Variants in CAMK2B observed in about 807,000 individuals in gnomAD.
The protein encoded by CAMK2B is calcium/calmodulin dependent protein kinase II beta.
CAMK2B carries 27 observed loss-of-function variants against 93.7 expected under a neutral mutation model. That is an observed-to-expected ratio of 0.29 (90% CI 0.21 to 0.40). The LOEUF (loss-of-function observed/expected upper bound fraction) is 0.40. Among genes scored for constraint, CAMK2B ranks in the 10% least tolerant of loss-of-function variants. CAMK2B has a pLI of 1.00. For missense variants in CAMK2B, 568 were observed against 895.8 expected (o/e 0.63, Z 4.67); for synonymous variants, 374 against 358.8 (o/e 1.04, Z -0.48).
chr7:44,298,608 T>A (rs1008345962), intron 1 of CAMK2B, among the ~76,000 whole-genome samples: 12 of 152,282 alleles, frequency 7.9e-5, no homozygotes, highest in Non-Finnish European at 1.5e-4. Flanking sequence ...ACCCACAGAA[T>A]TGGATAAAAT....
At chr7:44,307,015 A>AGGAGGAGGGTGTGAGCAGAG (rs1791915442) in intron 1 of CAMK2B, among the ~76,000 whole-genome samples, 3 of 69,532 alleles carry the variant, frequency 4.3e-5, no homozygotes, top group Non-Finnish European at 8.5e-5. Context: ...TGTGAGCAGG[A>AGGAGGAGGGTGTGAGCAGAG]AGAAGAGGGT....
chr7:44,283,175 C>T (rs573430435), intron 2 of CAMK2B, among the ~76,000 whole-genome samples: 1 of 152,384 alleles, frequency 6.6e-6, no homozygotes, highest in African/African-American at 2.4e-5. Flanking sequence ...CTCCCCACCA[C>T]CTCCTCAGAT....
intron 1 of CAMK2B, among the ~76,000 whole-genome samples, chr7:44,299,039 C>T (rs1044223844): frequency 3.3e-5 from 5 of 151,994 alleles, no homozygotes. Flanking sequence ...AATTCCACTC[C>T]AAGGTGGATC....
intron 1 of CAMK2B, among the ~76,000 whole-genome samples, chr7:44,317,871 G>A (rs1795193058): frequency 1.3e-5 from 2 of 152,152 alleles, no homozygotes; most frequent in African/African-American, 2.4e-5. Flanking sequence ...GGGCTTAGGC[G>A]AGTGTCTGGC....
chr7:44,231,762 C>A (rs1180780346), intron 16 of CAMK2B, among the ~76,000 whole-genome samples: 1 of 152,216 alleles, frequency 6.6e-6, no homozygotes, highest in Admixed American at 6.5e-5. Flanking sequence ...GCAGAGGTGG[C>A]CCCAGACTCT....
chr7:44,222,934 G>C (rs537592472), intron 20 of CAMK2B, among the ~76,000 whole-genome samples: 2 of 152,326 alleles, frequency 1.3e-5, no homozygotes, highest in Admixed American at 1.3e-4. Flanking sequence ...GCACCTGTCT[G>C]CTCTGGGGCC....
At position 44,220,057 on chromosome 7, in the gene CAMK2B, C is replaced by T. The variant is rs751882286; in HGVS notation, c.*2+3G>A. The T allele has an allele frequency of 7.0e-6, 11 of 1,570,406 alleles. No individual in the cohort carries two copies. Among genetic ancestry groups the T allele is most frequent in the Non-Finnish European group, 9.5e-6 (11 of 1,162,252 alleles). The stretch of plus-strand genomic sequence containing the variant: ...CAGCTGTCACTTAGCACAGAACACT[C>T]ACCTTCACTGCAGCGGGGCCACAGG... On this transcript the variant is annotated splice_donor_region_variant and intron_variant, in intron 23 of 23. Coordinates refer to ENST00000395749, the MANE Select transcript of CAMK2B (RefSeq NM_001220.5).
chr7:44,260,671 G>A (rs931471841), intron 3 of CAMK2B, among the ~76,000 whole-genome samples: 1 of 152,196 alleles, frequency 6.6e-6, no homozygotes, highest in African/African-American at 2.4e-5. Flanking sequence ...ACAGTTCTGT[G>A]ACCATCACTG....
chr7:44,234,798 G>T lies in CAMK2B; in HGVS notation c.1022-122C>A, dbSNP rs1420098083. 16 of 1,068,394 alleles carry T rather than the reference G, an allele frequency of 1.5e-5. No individual in the cohort carries two copies. In the East Asian group the frequency reaches 3.8e-4, roughly 26 times the overall value. 66.2% of individuals were successfully genotyped at this position (1,068,394 alleles called of 1,614,324 possible). A position where few individuals can be genotyped will look rare whatever the true frequency, so the allele number is the denominator to read the frequency against. On this transcript the variant is annotated intron_variant, in intron 13 of 23. Transcript: ENST00000395749. ...GAGCAAGCCCAGGGTCCTGAGGCAA[G>T]TGTGGTTCCAGCACCCAGGCTGGCT... is the stretch of plus-strand genomic sequence containing the variant.
chr7:44,221,629 C>T (rs896213275), intron 20 of CAMK2B, among the ~76,000 whole-genome samples: 8 of 152,208 alleles, frequency 5.3e-5, no homozygotes, highest in East Asian at 1.9e-4. Flanking sequence ...GCTTGCAGTC[C>T]GGGGCCCACA....
chr7:44,231,565 G>A (rs1387919369), intron 16 of CAMK2B, among the ~76,000 whole-genome samples: 1 of 152,250 alleles, frequency 6.6e-6, no homozygotes. Flanking sequence ...TGAAGCAGCA[G>A]CCGGTGTCAT....
chr7:44,219,547 T>G (rs962035738), intron 23 of CAMK2B, 25 bp from the exon 24 acceptor site: 2 of 154,832 alleles, frequency 1.3e-5, no homozygotes, highest in African/African-American at 4.8e-5. Flanking sequence ...GTGGGTCAGC[T>G]CCTCAGCAGC....
intron 19 of CAMK2B, among the ~76,000 whole-genome samples, chr7:44,227,929 G>A (rs1376626153): frequency 1.5e-5 from 2 of 135,652 alleles, no homozygotes; most frequent in East Asian, 5.0e-4. Flanking sequence ...TGGAGAGGTT[G>A]TAGGCTGACC....
At chr7:44,235,625 G>A (rs1161708842) in intron 13 of CAMK2B, among the ~76,000 whole-genome samples, 1 of 152,278 alleles carries the variant, frequency 6.6e-6, no homozygotes, top group African/African-American at 2.4e-5. Context: ...GGGCAGGGGC[G>A]CAAGACTGCG....
chr7:44,229,156 C>T (rs2096553025), intron 18 of CAMK2B: 1 of 624,726 alleles, frequency 1.6e-6, no homozygotes, highest in African/African-American at 1.8e-5. Context: ...CCTCCAGGGC[C>T]TCCCATCCTG....
intron 5 of CAMK2B, among the ~76,000 whole-genome samples, chr7:44,253,901 GT>G (rs58844378): frequency 0.019 from 2,654 of 139,738 alleles, 27 homozygotes; most frequent in Middle Eastern, 0.058. Context: ...CCTGGCCTCA[GT>G]TTTTTTTTTT....
chr7:44,285,687 C>T (rs1378041313), intron 1 of CAMK2B, among the ~76,000 whole-genome samples: 2 of 151,748 alleles, frequency 1.3e-5, no homozygotes, highest in Non-Finnish European at 2.9e-5. Context: ...ACTCAGGTCT[C>T]AAGAGCAGTC....
intron 2 of CAMK2B, among the ~76,000 whole-genome samples, chr7:44,283,290 GACAAGGACAGC>G (rs981263205): frequency 1.3e-5 from 2 of 152,242 alleles, no homozygotes; most frequent in Non-Finnish European, 2.9e-5. Flanking sequence ...TGCCCCACAG[GACAAGGACAGC>G]ACAAGGACAG....
intron 1 of CAMK2B, among the ~76,000 whole-genome samples, chr7:44,303,591 A>G (rs1790680455): frequency 6.6e-6 from 1 of 152,224 alleles, no homozygotes; most frequent in Non-Finnish European, 1.5e-5. Context: ...CACCTTTCAT[A>G]ATGATTAACT....
Sources: allele counts gnomAD v4.1 joint callset (sites outside exome capture counted in the v4.1 genomes callset), GRCh38; gene constraint gnomAD v4.1.1; transcripts MANE v1.5; gene names NCBI Gene and HGNC (gene_info 2026-07-23, HGNC 2026-07-21).